Variants in ZNF141 observed in about 807,000 individuals in gnomAD.
ZNF141 encodes the protein zinc finger protein 141 (clone pHZ-44).
Under a neutral mutation model 11.3 loss-of-function variants are expected in ZNF141, and 7 were observed. The ratio of observed to expected loss-of-function variants is 0.62; its 90% CI spans 0.35 to 1.16. The LOEUF (loss-of-function observed/expected upper bound fraction) is 1.16, where lower values mean the gene tolerates loss of function less well. Among genes scored for constraint, ZNF141 ranks in the 50% most tolerant of loss-of-function variants. The pLI, the probability that ZNF141 is intolerant of heterozygous loss-of-function variation, is 0.02. For missense variants in ZNF141, 535 were observed against 554.0 expected (o/e 0.97, Z 0.34); for synonymous variants, 183 against 190.7 (o/e 0.96, Z 0.33).
rs765258779 is a variant in ZNF141, at chr4:376,077, C to G, written c.*2215C>G. On this transcript the variant is annotated 3_prime_UTR_variant, in exon 4 of 4. Transcript: ENST00000240499. Reference sequence around the variant, plus strand: ...AAATTATTTTAAGATTATGTGGGAACATAATTTTTTAACTAAACAAAATTT... The same window carrying G: ...AAATTATTTTAAGATTATGTGGGAAGATAATTTTTTAACTAAACAAAATTT... Among the ~76,000 whole-genome samples the G allele has an allele frequency of 2.0e-5, 3 of 151,968 alleles. No homozygotes were observed. The highest frequency in any genetic ancestry group is 2.9e-5 in the Non-Finnish European group (2 of 67,866).
In ZNF141 at chr4:381,132, G is replaced by A. The variant is rs1712596191; in HGVS notation, c.*7270G>A. 6.6e-6 allele frequency among the ~76,000 whole-genome samples: 1 copy of A among 151,986 alleles called. No individual in the cohort carries two copies. Among genetic ancestry groups the A allele is most frequent in the Admixed American group, 6.6e-5 (1 of 15,240 alleles). On this transcript the variant is annotated 3_prime_UTR_variant, in exon 4 of 4. Coordinates refer to ENST00000240499, the MANE Select transcript of ZNF141 (RefSeq NM_003441.4). ...ACTACAAACTCACATAGTACATTAT[G>A]ACTTTATTACTGTTATAATACAAAT...
rs1453379292 is a variant in ZNF141 at position 379,684 on chromosome 4, T to C, written c.*5822T>C. Among the ~76,000 whole-genome samples, 1 of 152,256 alleles carries C rather than the reference T, an allele frequency of 6.6e-6. No individual in the cohort carries two copies. Among genetic ancestry groups the C allele is most frequent in the Non-Finnish European group, 1.5e-5 (1 of 68,048 alleles). ...CACTGCGCCCAGCCTCTATGGTTAT[T>C]ATATTACAAAAACAGCACAAAAACT... On this transcript the variant is annotated 3_prime_UTR_variant, in exon 4 of 4. Transcript: ENST00000240499.
At position 378,783 on chromosome 4, in the gene ZNF141, G is replaced by C. The variant is rs2108660420; in HGVS notation, c.*4921G>C. Among the ~76,000 whole-genome samples the C allele has an allele frequency of 6.8e-6, 1 of 148,096 alleles. No individual in the cohort carries two copies. On this transcript the variant is annotated 3_prime_UTR_variant, in exon 4 of 4. Coordinates refer to ENST00000240499, the MANE Select transcript of ZNF141 (RefSeq NM_003441.4). The stretch of plus-strand genomic sequence containing the variant: ...TCCAAGTCCTTGGTCACCTTCTCTG[G>C]AAAAAAATTTGAAGATTATGGCAGC...
At chr4:361,300 TA>T (rs1420248450) in intron 3 of ZNF141, among the ~76,000 whole-genome samples, 6 of 132,970 alleles carry the variant, frequency 4.5e-5, no homozygotes, top group African/African-American at 1.8e-4. Context: ...TGTATCACTA[TA>T]ATTATATAAT....
Position 383,229 on chromosome 4 carries a change from C to G in ZNF141, c.*9367C>G. 1.5e-6 allele frequency: 1 copy of G among 685,442 alleles called. No individual in the cohort carries two copies. The allele number at this position is 685,442 out of a possible 1,614,324, so 42.5% of individuals were successfully genotyped here. ...CACCTAATTCACCAGCATCTAACCA[C>G]TCACACCTGAAGGAGCCAAACTGAG... is the stretch of plus-strand genomic sequence containing the variant. On this transcript the variant is annotated 3_prime_UTR_variant, in exon 4 of 4. Coordinates refer to ENST00000240499, the MANE Select transcript of ZNF141 (RefSeq NM_003441.4).
intron 3 of ZNF141, among the ~76,000 whole-genome samples, chr4:355,698 A>G (rs555359537): frequency 6.6e-6 from 1 of 152,260 alleles, no homozygotes; most frequent in African/African-American, 2.4e-5. Context: ...ACATTCTGTG[A>G]ATGTTTTAGA....
chr4:341,585 A>G (rs1721053026), intron 1 of ZNF141, among the ~76,000 whole-genome samples: 1 of 152,218 alleles, frequency 6.6e-6, no homozygotes, highest in African/African-American at 2.4e-5. Flanking sequence ...TCTGGGAATC[A>G]AATTTCTCTT....
chr4:342,464 T>G (rs1553848637), intron 1 of ZNF141, among the ~76,000 whole-genome samples: 1 of 152,216 alleles, frequency 6.6e-6, no homozygotes, highest in African/African-American at 2.4e-5. Context: ...TTTCTCTAAC[T>G]GAGTGGTACT....
intron 3 of ZNF141, among the ~76,000 whole-genome samples, chr4:363,632 C>T (rs782338860): frequency 2.0e-5 from 3 of 152,042 alleles, no homozygotes; most frequent in Non-Finnish European, 4.4e-5. Flanking sequence ...GTGGCAGGCA[C>T]CTGGAGTCCC....
chr4:354,651 GTTTA>G (rs1721764573), intron 3 of ZNF141, among the ~76,000 whole-genome samples: 1 of 151,782 alleles, frequency 6.6e-6, no homozygotes, highest in African/African-American at 2.4e-5. Flanking sequence ...ATTAAAGTTG[GTTTA>G]TTTGAGATTT....
At chr4:338,392 C>A (rs1720893075) in intron 1 of ZNF141, 1 of 186,298 alleles carries the variant, frequency 5.4e-6, no homozygotes, top group Non-Finnish European at 1.1e-5. Context: ...AATGGGGACT[C>A]ATTAATGGGA....
Position 374,240 on chromosome 4 carries a change from A to T in ZNF141, c.*378A>T, listed in dbSNP as rs1327074438. On this transcript the variant is annotated 3_prime_UTR_variant, in exon 4 of 4. Transcript: ENST00000240499. Reference sequence around the variant, plus strand: ...GTGGCAGAATGTGGCAAAGCATTTAATTGGTCCTCAATGCTTAATAAATAT... The same window carrying T: ...GTGGCAGAATGTGGCAAAGCATTTATTTGGTCCTCAATGCTTAATAAATAT... 9.7e-6 allele frequency: 3 copies of T among 309,014 alleles called. No individual in the cohort carries two copies. Among genetic ancestry groups the T allele is most frequent in the African/African-American group, 6.5e-5 (3 of 45,808 alleles). 19.1% of individuals were successfully genotyped at this position (309,014 alleles called of 1,614,324 possible).
chr4:365,512 G>A (rs200899278), intron 3 of ZNF141, among the ~76,000 whole-genome samples: 2 of 104,196 alleles, frequency 1.9e-5, no homozygotes, highest in African/African-American at 5.3e-5. Flanking sequence ...TGTTATTTTT[G>A]TTGTTAAGTT....
At chr4:369,175 A>T (rs73219213) in intron 3 of ZNF141, among the ~76,000 whole-genome samples, 1 of 144,692 alleles carries the variant, frequency 6.9e-6, no homozygotes, top group Non-Finnish European at 1.5e-5. Context: ...ACACACACAC[A>T]CTCACACACA....
At chr4:357,940 C>T (rs113082510) in intron 3 of ZNF141, among the ~76,000 whole-genome samples, 18 of 151,838 alleles carry the variant, frequency 1.2e-4, no homozygotes, top group African/African-American at 2.4e-4. Flanking sequence ...AGGATGGTCT[C>T]GATTTCCTGA....
At chr4:349,804 T>C (rs782325576) in intron 3 of ZNF141, among the ~76,000 whole-genome samples, 1 of 152,190 alleles carries the variant, frequency 6.6e-6, no homozygotes, top group African/African-American at 2.4e-5. Context: ...TAGATTTCCT[T>C]GAGGATATTA....
At chr4:364,030 T>G (rs1553852607) in intron 3 of ZNF141, among the ~76,000 whole-genome samples, 2 of 152,180 alleles carry the variant, frequency 1.3e-5, no homozygotes, top group African/African-American at 4.8e-5. Flanking sequence ...CTTGCATCCC[T>G]GGGATGAAGC....
At position 384,282 on chromosome 4, in the gene ZNF141, TC is replaced by T. The variant is rs1367659421; in HGVS notation, c.*10422del. On this transcript the variant is annotated 3_prime_UTR_variant, in exon 4 of 4. Transcript: ENST00000240499. ...GATCTGAAGACATGGTGCTCTCTCT[TC>T]CTGTGGACCCATCATTCCTTGTTTA... The T allele has an allele frequency of 6.6e-6, 1 of 152,176 alleles. No homozygotes were observed. Among genetic ancestry groups the T allele is most frequent in the African/African-American group, 2.4e-5 (1 of 41,440 alleles). The allele number at this position is 152,176 out of a possible 1,614,324, so 9.4% of individuals were successfully genotyped here. A position where few individuals can be genotyped will look rare whatever the true frequency, so the allele number is the denominator to read the frequency against.
At chr4:343,728 A>G in intron 1 of ZNF141, 54 bp from the exon 2 acceptor site, 1 of 1,100,930 alleles carries the variant, frequency 9.1e-7, no homozygotes, top group South Asian at 2.2e-5. Context: ...CCGTCTCAAA[A>G]AAAAAAAAAA....
Sources: allele counts gnomAD v4.1 joint callset (sites outside exome capture counted in the v4.1 genomes callset), GRCh38; gene constraint gnomAD v4.1.1; transcripts MANE v1.5; gene names NCBI Gene and HGNC (gene_info 2026-07-23, HGNC 2026-07-21).